Variants in HECW2 observed in about 807,000 individuals in gnomAD.
HECW2 encodes HECT, C2 and WW domain containing E3 ubiquitin protein ligase 2.
In HECW2, 61 loss-of-function variants were observed where a neutral mutation model predicts 175.2. That is an observed-to-expected ratio of 0.35 (90% confidence interval 0.28 to 0.43). The LOEUF (loss-of-function observed/expected upper bound fraction) is 0.43, where lower values mean the gene tolerates loss of function less well. Among genes scored for constraint, HECW2 ranks in the 20% least tolerant of loss-of-function variants. The pLI is 1.00. For synonymous variants in HECW2, 671 were observed against 731.0 expected (o/e 0.92, Z 1.32); for missense variants, 1,524 against 2,000.5 (o/e 0.76, Z 4.54).
intron 2 of HECW2, among the ~76,000 whole-genome samples, chr2:196,428,859 A>T (rs2889222): frequency 6.6e-6 from 1 of 152,144 alleles, no homozygotes; most frequent in Admixed American, 6.5e-5. Context: ...TCTATTAGGA[A>T]CAACTGCAGG....
chr2:196,564,810 C>T (rs1252226178), intron 1 of HECW2, among the ~76,000 whole-genome samples: 1 of 151,936 alleles, frequency 6.6e-6, no homozygotes, highest in Non-Finnish European at 1.5e-5. Flanking sequence ...TCATCTCCAT[C>T]CTATACATTC....
At chr2:196,451,893 CG>C (rs1696359253) in intron 1 of HECW2, among the ~76,000 whole-genome samples, 1 of 152,166 alleles carries the variant, frequency 6.6e-6, no homozygotes, top group African/African-American at 2.4e-5. Context: ...AGCAAGACAT[CG>C]TCTCAATAAG....
intron 17 of HECW2, among the ~76,000 whole-genome samples, chr2:196,261,189 T>G (rs1229452397): frequency 6.6e-6 from 1 of 152,208 alleles, no homozygotes; most frequent in Non-Finnish European, 1.5e-5. Context: ...AGTATTAACT[T>G]GCATCATGAA....
At chr2:196,588,153 G>C (rs1289671614) in intron 1 of HECW2, among the ~76,000 whole-genome samples, 1 of 151,996 alleles carries the variant, frequency 6.6e-6, no homozygotes, top group Non-Finnish European at 1.5e-5. Flanking sequence ...TTAGTTATTT[G>C]GTTTATTATC....
chr2:196,325,225 G>C (rs139611200), intron 5 of HECW2, 76 bp from the exon 6 acceptor site: 2 of 1,055,082 alleles, frequency 1.9e-6, no homozygotes, highest in Non-Finnish European at 2.8e-6. Flanking sequence ...GAGGAAGGGA[G>C]AGAACAAGGG....
chr2:196,419,380 G>C (rs1326681436), intron 2 of HECW2, among the ~76,000 whole-genome samples: 1 of 152,166 alleles, frequency 6.6e-6, no homozygotes. Flanking sequence ...CGGGACAAAA[G>C]ACTGGCATGT....
At chr2:196,338,587 A>G (rs991067564) in intron 3 of HECW2, among the ~76,000 whole-genome samples, 6 of 152,316 alleles carry the variant, frequency 3.9e-5, no homozygotes, top group Admixed American at 1.3e-4. Context: ...TTTGCCTCAG[A>G]CTAGGATCTC....
Position 196,334,606 on chromosome 2 carries a change from A to T in HECW2, c.401-88T>A, listed in dbSNP as rs1044598692. On this transcript the variant is annotated intron_variant, in intron 3 of 28. Coordinates refer to ENST00000644978, the MANE Select transcript of HECW2 (RefSeq NM_001348768.2). ...GTGGAAATCCACCATACCACCTCTC[A>T]GGGAATCCTACTCATGACTCTGAAT... The T allele has an allele frequency of 8.9e-6, 9 of 1,005,958 alleles. No individual in the cohort carries two copies. The South Asian group carries it at 1.3e-4, about 15-fold the overall frequency. The allele number at this position is 1,005,958 out of a possible 1,614,324, so 62.3% of individuals were successfully genotyped here.
At chr2:196,207,406 T>A (rs1013032705) in intron 28 of HECW2, among the ~76,000 whole-genome samples, 2 of 152,222 alleles carry the variant, frequency 1.3e-5, no homozygotes, top group Non-Finnish European at 2.9e-5. Context: ...TTAGAATTTT[T>A]AAAATATTCA....
intron 1 of HECW2, among the ~76,000 whole-genome samples, chr2:196,441,779 G>T (rs1253701380): frequency 6.6e-6 from 1 of 152,078 alleles, no homozygotes; most frequent in Non-Finnish European, 1.5e-5. Context: ...AAAATGATTA[G>T]GAAAACCAGA....
chr2:196,567,211 G>A (rs756466824), intron 1 of HECW2, among the ~76,000 whole-genome samples: 4 of 152,138 alleles, frequency 2.6e-5, no homozygotes, highest in Admixed American at 6.5e-5. Context: ...CAAAATACAA[G>A]AAATGGGCAG....
chr2:196,586,692 T>C (rs1690991631), intron 1 of HECW2: 1 of 42,100 alleles, frequency 2.4e-5, no homozygotes, highest in South Asian at 8.4e-4. Flanking sequence ...CAGTACCCTG[T>C]CAGTTCTGTC....
chr2:196,427,744 G>A (rs1184558960), intron 2 of HECW2, among the ~76,000 whole-genome samples: 1 of 152,094 alleles, frequency 6.6e-6, no homozygotes, highest in African/African-American at 2.4e-5. Context: ...GTAATTTGGA[G>A]GTTTGGGCCT....
chr2:196,369,379 T>TCTCTCTCTCTCTCTCTCA (rs1693844535), intron 2 of HECW2, among the ~76,000 whole-genome samples: 1 of 148,098 alleles, frequency 6.8e-6, no homozygotes, highest in Non-Finnish European at 1.5e-5. Flanking sequence ...TCTCTCTCTC[T>TCTCTCTCTCTCTCTCTCA]CTCACTGATG....
At chr2:196,471,443 G>A (rs1697193508) in intron 1 of HECW2, among the ~76,000 whole-genome samples, 1 of 152,094 alleles carries the variant, frequency 6.6e-6, no homozygotes, top group African/African-American at 2.4e-5. Flanking sequence ...ATTATCATTT[G>A]ACCCAGCAAT....
chr2:196,499,640 C>G (rs1265217735), intron 1 of HECW2, among the ~76,000 whole-genome samples: 1 of 152,132 alleles, frequency 6.6e-6, no homozygotes, highest in African/African-American at 2.4e-5. Flanking sequence ...AAACTTATGG[C>G]CTGCCACTCT....
intron 6 of HECW2, among the ~76,000 whole-genome samples, chr2:196,323,560 C>G (rs561041021): frequency 6.6e-6 from 1 of 152,228 alleles, no homozygotes; most frequent in African/African-American, 2.4e-5. Context: ...AAGGGCCAAG[C>G]AATTTGGCAG....
chr2:196,439,591 A>T (rs940970124), intron 1 of HECW2, among the ~76,000 whole-genome samples: 4 of 152,084 alleles, frequency 2.6e-5, no homozygotes, highest in African/African-American at 7.2e-5. Context: ...CTTAGAAAAG[A>T]ATTGCAGAGC....
chr2:196,521,893 T>C (rs1325171710), intron 1 of HECW2, among the ~76,000 whole-genome samples: 3 of 151,314 alleles, frequency 2.0e-5, no homozygotes, highest in Non-Finnish European at 4.4e-5. Flanking sequence ...TGTTGGACAT[T>C]TGGGTTGGTT....
Sources: gnomAD v4.1 joint callset for allele counts (sites outside exome capture counted in the v4.1 genomes callset) on GRCh38, gnomAD v4.1.1 for gene constraint, MANE v1.5 for transcripts, NCBI Gene and HGNC (gene_info 2026-07-23, HGNC 2026-07-21) for gene names.